MDGA2: variants seen among roughly 807,000 people sequenced by gnomAD.
MDGA2 encodes the protein MAM domain containing glycosylphosphatidylinositol anchor 2.
A neutral mutation model predicts 117.8 loss-of-function variants in MDGA2; 40 were observed. The observed-to-expected ratio is 0.34, with a 90% CI of 0.26 to 0.44. The LOEUF is 0.44. Ranked by LOEUF, MDGA2 falls within the 20% of genes least tolerant of loss-of-function variation. The pLI is 1.00. For missense variants in MDGA2, 1,123 were observed against 1,250.6 expected (o/e 0.90, Z 1.54); for synonymous variants, 452 against 439.0 (o/e 1.03, Z -0.37).
intron 8 of MDGA2, among the ~76,000 whole-genome samples, chr14:46,986,629 C>T (rs1886869178): frequency 6.6e-6 from 1 of 152,040 alleles, no homozygotes; most frequent in African/African-American, 2.4e-5. Flanking sequence ...AGATAAATGT[C>T]TTAAGGAAAT....
chr14:47,499,001 T>C (rs994840195), intron 1 of MDGA2, among the ~76,000 whole-genome samples: 1 of 149,630 alleles, frequency 6.7e-6, no homozygotes, highest in Non-Finnish European at 1.5e-5. Flanking sequence ...TTAGCTATTC[T>C]GGCATTTTTT....
chr14:47,540,538 G>GTGTGTGTGTGTGTA (rs1566506014), intron 1 of MDGA2, among the ~76,000 whole-genome samples: 2 of 73,906 alleles, frequency 2.7e-5, no homozygotes, highest in Admixed American at 1.7e-4. Context: ...GTGTGTGTGT[G>GTGTGTGTGTGTGTA]TGTATATATA....
chr14:47,215,656 C>T (rs957613703), intron 3 of MDGA2, among the ~76,000 whole-genome samples: 49 of 152,024 alleles, frequency 3.2e-4, no homozygotes, highest in African/African-American at 1.1e-3. Context: ...TGTTTACATC[C>T]GCATAGTAGA....
At position 47,061,391 on chromosome 14, in the gene MDGA2, A is replaced by T; in HGVS notation, c.1383T>A (p.Asp461Glu). ...SSERMVITQT[D>E]PDVSPGTTNL... ...TTGTTGTTCCCGGAGAGACATCAGG[A>T]TCAGTCTGTGTAATGACCATCCGCT... is the stretch of plus-strand genomic sequence containing the variant. Residue 461 changes from aspartate (D) to glutamate (E), a missense_variant, in exon 7 of 17, where the codon GAT becomes GAA. This residue lies in a region of MDGA2 where 890 missense variants were observed against 1,050.3 expected (regional missense o/e 0.85). Transcript: ENST00000399232. 6.2e-7 allele frequency: 1 copy of T among 1,613,684 alleles called. No individual in the cohort carries two copies. Among genetic ancestry groups the T allele is most frequent in the East Asian group, 2.2e-5 (1 of 44,846 alleles).
chr14:47,082,702 T>C (rs530190661), intron 6 of MDGA2, among the ~76,000 whole-genome samples: 14 of 152,064 alleles, frequency 9.2e-5, no homozygotes, highest in African/African-American at 3.4e-4. Context: ...ATAAGACTTG[T>C]CAAGAGAGAA....
In MDGA2 at chr14:47,185,545, G is replaced by A. The variant is rs537542100; in HGVS notation, c.595+32476C>T. ...TGACTCGAGAGGGAACAGAAGACAT[G>A]AATAGAATTATAACTCAATAAAATT... is the stretch of plus-strand genomic sequence containing the variant. On this transcript the variant is annotated intron_variant, in intron 3 of 16. Coordinates refer to ENST00000399232, the MANE Select transcript of MDGA2 (RefSeq NM_001113498.3). Among the ~76,000 whole-genome samples, 7 of 151,512 alleles carry A rather than the reference G, an allele frequency of 4.6e-5. No homozygotes were observed. The South Asian group carries it at 1.2e-3, about 27-fold the overall frequency.
At chr14:47,568,277 C>T (rs1197284184) in intron 1 of MDGA2, among the ~76,000 whole-genome samples, 1 of 152,128 alleles carries the variant, frequency 6.6e-6, no homozygotes, top group East Asian at 1.9e-4. Context: ...TATTCCTGTC[C>T]ACTTAAAGCA....
intron 10 of MDGA2, among the ~76,000 whole-genome samples, chr14:46,907,214 G>A (rs1357022222): frequency 6.6e-6 from 1 of 152,054 alleles, no homozygotes; most frequent in Admixed American, 6.6e-5. Flanking sequence ...CTGACCTCGG[G>A]TGATCCTCCT....
intron 1 of MDGA2, among the ~76,000 whole-genome samples, chr14:47,371,979 T>C (rs1207718117): frequency 6.6e-6 from 1 of 151,782 alleles, no homozygotes; most frequent in African/African-American, 2.4e-5. Context: ...ATAAAATGTA[T>C]ATAATTTCAT....
At chr14:47,112,171 G>A (rs1487866081) in intron 5 of MDGA2, among the ~76,000 whole-genome samples, 2 of 152,152 alleles carry the variant, frequency 1.3e-5, no homozygotes, top group African/African-American at 4.8e-5. Flanking sequence ...GAAATGGGAA[G>A]AGAAGAGAAA....
At position 47,121,477 on chromosome 14, in the gene MDGA2, ATTAC is replaced by A. The variant is rs1444486631; in HGVS notation, c.925+10233_925+10236del. ...TTTTGGAATTTCGCTATGATTTAAT[ATTAC>A]TTCTGAATATATATATTAGTAGATA... On this transcript the variant is annotated intron_variant, in intron 5 of 16. Coordinates refer to ENST00000399232, the MANE Select transcript of MDGA2 (RefSeq NM_001113498.3). Among the ~76,000 whole-genome samples, 14 of 152,172 alleles carry A rather than the reference ATTAC, an allele frequency of 9.2e-5. No individual in the cohort carries two copies. In the East Asian group the frequency reaches 1.9e-3, roughly 21 times the overall value.
intron 1 of MDGA2, among the ~76,000 whole-genome samples, chr14:47,545,416 A>T (rs1015071812): frequency 1.3e-5 from 2 of 152,196 alleles, no homozygotes; most frequent in Non-Finnish European, 2.9e-5. Flanking sequence ...ATAGATCACA[A>T]AAGATTAGAA....
At chr14:47,117,728 A>G (rs1023334934) in intron 5 of MDGA2, among the ~76,000 whole-genome samples, 1 of 152,130 alleles carries the variant, frequency 6.6e-6, no homozygotes, top group Non-Finnish European at 1.5e-5. Flanking sequence ...CAAAGGGTGG[A>G]AATGTGGCTA....
chr14:46,960,246 T>C (rs1885742276), intron 8 of MDGA2, among the ~76,000 whole-genome samples: 1 of 152,128 alleles, frequency 6.6e-6, no homozygotes, highest in African/African-American at 2.4e-5. Flanking sequence ...TTGTACATTA[T>C]AGTATAATAT....
intron 1 of MDGA2, among the ~76,000 whole-genome samples, chr14:47,341,322 A>G (rs1890615204): frequency 6.6e-6 from 1 of 152,322 alleles, no homozygotes; most frequent in South Asian, 2.1e-4. Flanking sequence ...TCCTGATGCA[A>G]TGGTATGTGG....
intron 9 of MDGA2, among the ~76,000 whole-genome samples, chr14:46,925,900 G>A (rs1176212415): frequency 1.3e-5 from 2 of 152,182 alleles, no homozygotes; most frequent in East Asian, 3.9e-4. Context: ...TCCTTAGGTG[G>A]AGAAAAATGA....
At chr14:47,009,868 A>C (rs1887837659) in intron 8 of MDGA2, among the ~76,000 whole-genome samples, 1 of 151,972 alleles carries the variant, frequency 6.6e-6, no homozygotes, top group Non-Finnish European at 1.5e-5. Context: ...TTTAATTTTC[A>C]TTCTACAAAT....
At position 47,071,131 on chromosome 14, in the gene MDGA2, A is replaced by G. The variant is rs557020224; in HGVS notation, c.1196-9553T>C. Among the ~76,000 whole-genome samples the G allele has an allele frequency of 3.9e-5, 6 of 152,374 alleles. No individual in the cohort carries two copies. In the South Asian group the frequency reaches 1.2e-3, roughly 32 times the overall value. On this transcript the variant is annotated intron_variant, in intron 6 of 16. Transcript: ENST00000399232. The stretch of plus-strand genomic sequence containing the variant: ...ATCAGTCTAGGGAATTCGTTGCTAC[A>G]AAATTTCAAATGTCAAAGAAATACT...
At chr14:47,158,424 G>T (rs544082712) in intron 3 of MDGA2, among the ~76,000 whole-genome samples, 4 of 149,766 alleles carry the variant, frequency 2.7e-5, no homozygotes, top group African/African-American at 7.4e-5. Flanking sequence ...AATGTATACA[G>T]ATTTTTGTCT....
Sources: gnomAD v4.1 joint callset for allele counts (sites outside exome capture counted in the v4.1 genomes callset) on GRCh38, gnomAD v4.1.1 for gene constraint, gnomAD v4.1.1 regional missense constraint, MANE v1.5 for transcripts, NCBI Gene and HGNC (gene_info 2026-07-23, HGNC 2026-07-21) for gene names.